DRC3: variants seen among roughly 807,000 people sequenced by gnomAD.
The protein encoded by DRC3 is dynein regulatory complex subunit 3.
DRC3 carries 45 observed loss-of-function variants against 57.6 expected under a neutral mutation model. The observed-to-expected ratio is 0.78, with a 90% CI of 0.62 to 1.00. The LOEUF (loss-of-function observed/expected upper bound fraction) is 1.00, where lower values mean the gene tolerates loss of function less well. Ranked by LOEUF, DRC3 falls within the 50% of genes least tolerant of loss-of-function variation. The pLI is 0.00. For missense variants in DRC3, 655 were observed against 675.2 expected (o/e 0.97, Z 0.33); for synonymous variants, 257 against 272.3 (o/e 0.94, Z 0.55).
chr17:17,989,155 G>T (rs941491766), intron 5 of DRC3, among the ~76,000 whole-genome samples: 11 of 152,284 alleles, frequency 7.2e-5, no homozygotes, highest in Admixed American at 7.2e-4. Context: ...ACTAGAATTT[G>T]CCATCCAGCA....
intron 12 of DRC3, among the ~76,000 whole-genome samples, chr17:18,013,186 C>A (rs866070075): frequency 3.3e-5 from 5 of 152,124 alleles, no homozygotes; most frequent in African/African-American, 1.2e-4. Context: ...AAAAGGAACT[C>A]ATATACTGTA....
rs2043981123 is a variant in DRC3 at position 18,007,030 on chromosome 17, T to G, written c.1209T>G (p.Ala403=). The change falls in exon 12 of 14, where the codon GCT becomes GCG. Residue 403 remains alanine (A), a synonymous_variant. Coordinates refer to ENST00000399187, the MANE Select transcript of DRC3 (RefSeq NM_031294.4). ...LFIENVQSLM[A]QCRDLENHHH... ...GCTTAACTCGGGGCTGCACGATGGCTCAGTGCCGGGACCTGGAGAATCACC... is the reference window on the plus strand; with the variant it reads ...GCTTAACTCGGGGCTGCACGATGGCGCAGTGCCGGGACCTGGAGAATCACC... 1 of 1,611,390 alleles carries G rather than the reference T, an allele frequency of 6.2e-7. No homozygotes were observed. The highest frequency in any genetic ancestry group is 1.3e-5 in the African/African-American group (1 of 74,686).
intron 3 of DRC3, among the ~76,000 whole-genome samples, 161 bp from the exon 4 acceptor site, chr17:17,983,667 G>A (rs920665301): frequency 1.3e-5 from 2 of 152,162 alleles, no homozygotes; most frequent in Admixed American, 1.3e-4. Flanking sequence ...GGGACACAAT[G>A]TTCCTCGATG....
intron 11 of DRC3, 194 bp downstream of exon 11, chr17:18,006,447 G>A (rs1004896268): frequency 8.4e-6 from 5 of 596,684 alleles, no homozygotes; most frequent in Non-Finnish European, 1.5e-5. Flanking sequence ...TAGGCTCCCA[G>A]CATGATTGTT....
chr17:17,995,479 AGG>A, intron 8 of DRC3: 4 of 201,760 alleles, frequency 2.0e-5, no homozygotes, highest in South Asian at 8.3e-5. Flanking sequence ...CCACCCCACT[AGG>A]CAGGTACCAT....
rs1045201676 is a variant in DRC3 at position 17,973,980 on chromosome 17, C to T, written c.-18+18C>T. 1.4e-4 allele frequency: 22 copies of T among 152,264 alleles called. No individual in the cohort carries two copies. Among genetic ancestry groups the T allele is most frequent in the African/African-American group, 5.3e-4 (22 of 41,474 alleles). 9.4% of individuals were successfully genotyped at this position (152,264 alleles called of 1,614,324 possible). ...ATCATCAGGCAAGTCAAAGGGGACC[C>T]AGGTTGGGTGGTAAACTATAAGATC... On this transcript the variant is annotated intron_variant, in intron 2 of 13. Transcript: ENST00000399187.
At position 17,979,545 on chromosome 17, in the gene DRC3, C is replaced by T. The variant is rs544616962; in HGVS notation, c.160+1787C>T. On this transcript the variant is annotated intron_variant, in intron 3 of 13. Transcript: ENST00000399187. ...GATTAAATCGGCTTTTTTTGGCAGTCCTGTCATGCTGGTAACTCATTTAGA... is the reference window on the plus strand; with the variant it reads ...GATTAAATCGGCTTTTTTTGGCAGTTCTGTCATGCTGGTAACTCATTTAGA... 1.2e-3 allele frequency among the ~76,000 whole-genome samples: 186 copies of T among 152,262 alleles called. 1 individual carries two copies. Among genetic ancestry groups the T allele is most frequent in the Non-Finnish European group, 2.4e-3 (162 of 68,006 alleles).
chr17:18,002,074 G>A (rs1452814929), intron 9 of DRC3, among the ~76,000 whole-genome samples: 4 of 152,114 alleles, frequency 2.6e-5, no homozygotes, highest in African/African-American at 9.6e-5. Flanking sequence ...AAGCTGAGGC[G>A]AGAGAATCGC....
chr17:17,993,900 T>C, intron 6 of DRC3: 1 of 238,918 alleles, frequency 4.2e-6, no homozygotes, highest in Non-Finnish European at 8.4e-6. Context: ...TGTCCTGTTG[T>C]CCTCCTTCCC....
intron 3 of DRC3, 107 bp downstream of exon 3, chr17:17,977,865 C>A: frequency 8.2e-7 from 1 of 1,224,352 alleles, no homozygotes; most frequent in South Asian, 1.6e-5. Context: ...GTCGAGGTTC[C>A]CACATCAGCA....
intron 2 of DRC3, among the ~76,000 whole-genome samples, chr17:17,975,523 C>T (rs529891809): frequency 6.8e-6 from 1 of 146,186 alleles, no homozygotes; most frequent in African/African-American, 2.6e-5. Flanking sequence ...CCACCCCCCC[C>T]CCAAAAAAAA....
intron 1 of DRC3, among the ~76,000 whole-genome samples, chr17:17,973,313 T>C (rs188978382): frequency 4.6e-5 from 7 of 152,350 alleles, no homozygotes; most frequent in Admixed American, 2.0e-4. Context: ...TCCCAGAATT[T>C]AGCCATCATA....
intron 4 of DRC3, among the ~76,000 whole-genome samples, chr17:17,984,363 G>GCTAAGTGGGGC (rs6146007): frequency 0.58 from 87,371 of 151,524 alleles, 27,753 homozygotes; most frequent in East Asian, 0.93. Flanking sequence ...TTAACTACAT[G>GCTAAGTGGGGC]CTAAGTGGGG....
intron 10 of DRC3, chr17:18,004,729 C>T (rs543501200): frequency 4.0e-6 from 2 of 500,110 alleles, no homozygotes; most frequent in Admixed American, 3.5e-5. Flanking sequence ...TGAAATGGTC[C>T]CCCTATCCTG....
intron 10 of DRC3, chr17:18,005,308 A>G (rs2043906854): frequency 1.3e-5 from 2 of 152,224 alleles, no homozygotes; most frequent in Non-Finnish European, 2.9e-5. Flanking sequence ...ATGCTTTTCA[A>G]TGACCCTATT....
At chr17:17,998,586 T>A (rs901099652) in intron 9 of DRC3, among the ~76,000 whole-genome samples, 22 of 152,180 alleles carry the variant, frequency 1.4e-4, no homozygotes, top group African/African-American at 4.3e-4. Context: ...CTTAAGGCCC[T>A]TCCTTGTTGT....
At chr17:17,977,358 A>G (rs1030297970) in intron 2 of DRC3, 5 of 532,974 alleles carry the variant, frequency 9.4e-6, no homozygotes, top group African/African-American at 5.8e-5. Flanking sequence ...CTGTAGGGTC[A>G]AGGGATGAAA....
chr17:17,999,968 T>C (rs2043628014), intron 9 of DRC3, among the ~76,000 whole-genome samples: 1 of 151,998 alleles, frequency 6.6e-6, no homozygotes, highest in African/African-American at 2.4e-5. Flanking sequence ...CCCTATTCTG[T>C]ACTTTGCTTT....
In DRC3 at chr17:18,016,813, C is replaced by G; in HGVS notation, c.*142C>G. ...TCCCCAACACCATTCTTCCCCCACCCCTGGAAAAACTTCCAAAAGTAGAGA... is the reference window on the plus strand; with the variant it reads ...TCCCCAACACCATTCTTCCCCCACCGCTGGAAAAACTTCCAAAAGTAGAGA... On this transcript the variant is annotated 3_prime_UTR_variant, in exon 14 of 14. Coordinates refer to ENST00000399187, the MANE Select transcript of DRC3 (RefSeq NM_031294.4). 1 of 503,996 alleles carries G rather than the reference C, an allele frequency of 2.0e-6. No homozygotes were observed. Among genetic ancestry groups the G allele is most frequent in the Non-Finnish European group, 3.5e-6 (1 of 283,434 alleles). 31.2% of individuals were successfully genotyped at this position (503,996 alleles called of 1,614,324 possible).
Sources: allele counts gnomAD v4.1 joint callset (sites outside exome capture counted in the v4.1 genomes callset), GRCh38; gene constraint gnomAD v4.1.1; transcripts MANE v1.5; gene names NCBI Gene and HGNC (gene_info 2026-07-23, HGNC 2026-07-21).